The following ATR variants were observed in gnomAD, a reference collection of about 807,000 sequenced individuals.
ATR encodes ATR checkpoint kinase.
A neutral mutation model predicts 305.3 loss-of-function variants in ATR; 142 were observed. The observed-to-expected ratio is 0.47, with a 90% confidence interval of 0.41 to 0.53. The LOEUF is 0.53. ATR is among the 20% of genes least tolerant of loss of function. The probability of loss-of-function intolerance (pLI) is 0.00; values close to 1 mark genes in which losing one functional copy is unlikely to be tolerated. For synonymous variants in ATR, 1,050 were observed against 1,068.1 expected (o/e 0.98, Z 0.33); for missense variants, 2,135 against 3,133.1 (o/e 0.68, Z 7.60).
chr3:142,558,325 C>T (rs1233101496), intron 8 of ATR, among the ~76,000 whole-genome samples: 2 of 151,884 alleles, frequency 1.3e-5, no homozygotes, highest in East Asian at 1.9e-4. Context: ...GAGTTCGAGA[C>T]CAGCCTGGCT....
intron 46 of ATR, chr3:142,452,699 A>G (rs1384712107): frequency 2.9e-6 from 3 of 1,030,120 alleles, no homozygotes; most frequent in Non-Finnish European, 3.5e-6. Context: ...CACCACCACC[A>G]CAACAACAAC....
chr3:142,470,041 G>A, intron 37 of ATR, 45 bp downstream of exon 37: 1 of 1,471,630 alleles, frequency 6.8e-7, no homozygotes, highest in Non-Finnish European at 9.4e-7. Flanking sequence ...TTATACCAAA[G>A]TTATAATTCC....
intron 36 of ATR, among the ~76,000 whole-genome samples, chr3:142,476,428 G>A (rs2108292344): frequency 1.3e-5 from 2 of 151,972 alleles, no homozygotes; most frequent in South Asian, 4.2e-4. Context: ...ATTTCTGAGG[G>A]CTCTGTTCTG....
At chr3:142,574,472 A>G (rs1370629253) in intron 1 of ATR, among the ~76,000 whole-genome samples, 3 of 151,810 alleles carry the variant, frequency 2.0e-5, no homozygotes, top group Non-Finnish European at 4.4e-5. Flanking sequence ...AAAAAAAAAA[A>G]AAAAAGAAAA....
chr3:142,512,556 C>A lies in ATR; in HGVS notation c.4642-86G>T, dbSNP rs1033460041. The A allele has an allele frequency of 2.6e-6, 3 of 1,149,326 alleles. No homozygotes were observed. The Admixed American group carries it at 8.4e-5, about 32-fold the overall frequency. 71.2% of individuals were successfully genotyped at this position (1,149,326 alleles called of 1,614,324 possible). A position where few individuals can be genotyped will look rare whatever the true frequency, so the allele number is the denominator to read the frequency against. ...ACATCTAAAGCTAACCATTCTAAGG[C>A]AAAAATTTTCAAAAGAAAAAACACA... is the stretch of plus-strand genomic sequence containing the variant. On this transcript the variant is annotated intron_variant, in intron 26 of 46. Transcript: ENST00000350721.
At chr3:142,452,541 G>T (rs1457530851) in intron 46 of ATR, 2 of 590,586 alleles carry the variant, frequency 3.4e-6, no homozygotes, top group East Asian at 1.4e-4. Flanking sequence ...AGCTGTGGTG[G>T]TGCACGCTTA....
At chr3:142,512,190 G>GAT in intron 27 of ATR, 70 bp downstream of exon 27, 9 of 1,315,744 alleles carry the variant, frequency 6.8e-6, no homozygotes, top group Non-Finnish European at 9.6e-6. Context: ...TTATAGAACT[G>GAT]ATAAAGGGAA....
intron 1 of ATR, among the ~76,000 whole-genome samples, chr3:142,572,762 CCT>C (rs1439361957): frequency 3.3e-5 from 5 of 151,830 alleles, no homozygotes; most frequent in Admixed American, 6.6e-5. Context: ...AAACCAGACC[CCT>C]GTCTCCAAAA....
intron 21 of ATR, among the ~76,000 whole-genome samples, chr3:142,530,099 C>A (rs2033579420): frequency 6.6e-6 from 1 of 151,978 alleles, no homozygotes; most frequent in Non-Finnish European, 1.5e-5. Context: ...TCTTTTTACT[C>A]CTTTTTACTC....
intron 32 of ATR, 115 bp downstream of exon 32, chr3:142,498,482 A>G (rs34348511): frequency 1.9e-5 from 17 of 889,512 alleles, no homozygotes; most frequent in Admixed American, 1.3e-4. Context: ...AGAGCTGTCT[A>G]GTGTAGCTAT....
intron 35 of ATR, among the ~76,000 whole-genome samples, chr3:142,487,090 C>CAACTGCACTCCAGCCTGAGCG (rs1488758710): frequency 6.6e-6 from 1 of 152,038 alleles, no homozygotes; most frequent in African/African-American, 2.4e-5. Context: ...CAAGATCGCG[C>CAACTGCACTCCAGCCTGAGCG]AACTGCACTC....
intron 35 of ATR, among the ~76,000 whole-genome samples, chr3:142,488,053 C>T (rs186844510): frequency 1.4e-4 from 22 of 152,300 alleles, no homozygotes; most frequent in Admixed American, 3.3e-4. Context: ...GGCCTGTTTG[C>T]CCTCTGGCTT....
At chr3:142,452,817 C>T in intron 46 of ATR, 2 of 1,202,710 alleles carry the variant, frequency 1.7e-6, no homozygotes, top group Non-Finnish European at 2.1e-6. Flanking sequence ...AAGCTCAGAC[C>T]TGTTGTTCTG....
At chr3:142,467,216 C>G (rs566739137) in intron 39 of ATR, among the ~76,000 whole-genome samples, 1 of 152,180 alleles carries the variant, frequency 6.6e-6, no homozygotes, top group African/African-American at 2.4e-5. Flanking sequence ...TTCTCTCTCC[C>G]TCCTTATAAC....
chr3:142,506,358 G>A (rs2032235474), intron 28 of ATR, among the ~76,000 whole-genome samples: 1 of 152,134 alleles, frequency 6.6e-6, no homozygotes, highest in Non-Finnish European at 1.5e-5. Context: ...GAGAACACAA[G>A]TAGAAAGATT....
chr3:142,500,826 A>C (rs2031918888), intron 30 of ATR, among the ~76,000 whole-genome samples: 1 of 152,182 alleles, frequency 6.6e-6, no homozygotes, highest in Admixed American at 6.5e-5. Context: ...ACCATCAGAC[A>C]CCAAAATATA....
chr3:142,541,120 C>CTGATACTGGGTGGGA, intron 17 of ATR, 86 bp from the exon 18 acceptor site: 2 of 1,503,726 alleles, frequency 1.3e-6, no homozygotes, highest in African/African-American at 1.4e-5. Context: ...GCTTCCCACC[C>CTGATACTGGGTGGGA]AGTATCAGGG....
chr3:142,563,339 A>G (rs2034952728), intron 3 of ATR, among the ~76,000 whole-genome samples: 2 of 152,358 alleles, frequency 1.3e-5, no homozygotes, highest in South Asian at 4.1e-4. Context: ...ACTCTGCATC[A>G]AGCAAGTGTA....
chr3:142,464,044 T>C (rs2071076727), intron 41 of ATR, among the ~76,000 whole-genome samples: 2 of 152,212 alleles, frequency 1.3e-5, no homozygotes. Context: ...AACCCTTTAA[T>C]AAGATTCCTC....
Sources: gnomAD v4.1 joint callset for allele counts (sites outside exome capture counted in the v4.1 genomes callset) on GRCh38, gnomAD v4.1.1 for gene constraint, MANE v1.5 for transcripts, NCBI Gene and HGNC (gene_info 2026-07-23, HGNC 2026-07-21) for gene names.